Variants in VPS13D observed in about 807,000 individuals in gnomAD.
VPS13D encodes vacuolar protein sorting 13 homolog D, also known as intermembrane lipid transfer protein VPS13D.
VPS13D carries 187 observed loss-of-function variants against 461.9 expected under a neutral mutation model. The observed-to-expected ratio is 0.40, with a 90% CI of 0.36 to 0.46. The LOEUF is 0.46. Ranked by LOEUF, VPS13D falls within the 20% of genes least tolerant of loss-of-function variation. The pLI is 0.60. For missense variants in VPS13D, 4,711 were observed against 5,364.9 expected (o/e 0.88, Z 3.81); for synonymous variants, 1,951 against 1,986.3 (o/e 0.98, Z 0.47).
intron 10 of VPS13D, among the ~76,000 whole-genome samples, chr1:12,259,591 A>G (rs1641038677): frequency 6.6e-6 from 1 of 152,190 alleles, no homozygotes. Context: ...GACCTGAGCC[A>G]CTGCGCCCAG....
intron 67 of VPS13D, among the ~76,000 whole-genome samples, chr1:12,460,911 C>G (rs935303822): frequency 6.6e-6 from 1 of 152,072 alleles, no homozygotes; most frequent in Non-Finnish European, 1.5e-5. Flanking sequence ...AAAGTATCAG[C>G]CCCAACCCCA....
At chr1:12,288,128 C>A (rs562220221) in intron 21 of VPS13D, 95 bp from the exon 22 acceptor site, 4 of 1,074,516 alleles carry the variant, frequency 3.7e-6, no homozygotes, top group Admixed American at 1.9e-5. Context: ...GTTTCCCAAG[C>A]CTTTTTGCAT....
rs1392867524 is a variant in VPS13D at position 12,276,186 on chromosome 1, A to G, written c.2598A>G (p.Ser866=). 1 of 1,614,186 alleles carries G rather than the reference A, an allele frequency of 6.2e-7. No individual in the cohort carries two copies. Among genetic ancestry groups the G allele is most frequent in the Non-Finnish European group, 8.5e-7 (1 of 1,180,038 alleles). ...LQLERRLIYT[S]DPKYPGAVLS... The stretch of plus-strand genomic sequence containing the variant: ...TAGAGCGTCGATTGATTTATACTTC[A>G]GATCCCAAATATCCAGGAGCCGTGC... The change falls in exon 19 of 70, where the codon TCA becomes TCG. Residue 866 remains serine (S), a synonymous_variant. Coordinates refer to ENST00000620676, the MANE Select transcript of VPS13D (RefSeq NM_015378.4). The surrounding 1 kb of genome is among the most constrained non-coding windows in gnomAD (Gnocchi z 4.5).
intron 5 of VPS13D, among the ~76,000 whole-genome samples, chr1:12,247,886 A>ATTTTTTTTTTTTTTTTTTTTTGTT (rs573458027): frequency 8.4e-6 from 1 of 118,844 alleles, no homozygotes. Context: ...GTATTTTTGT[A>ATTTTTTTTTTTTTTTTTTTTTGTT]TTTTTTTTTT....
chr1:12,437,546 G>A (rs1645077313), intron 65 of VPS13D, among the ~76,000 whole-genome samples: 1 of 152,090 alleles, frequency 6.6e-6, no homozygotes, highest in Admixed American at 6.5e-5. Context: ...AGCTAAATTT[G>A]AGAGGGAAGA....
intron 67 of VPS13D, chr1:12,497,213 G>C (rs1645971171): frequency 4.5e-6 from 1 of 223,576 alleles, no homozygotes; most frequent in Non-Finnish European, 8.9e-6. Context: ...TCTAAGGTAG[G>C]TGTCATCGTC....
chr1:12,444,016 G>C (rs886540832), intron 65 of VPS13D, among the ~76,000 whole-genome samples: 1 of 151,738 alleles, frequency 6.6e-6, no homozygotes, highest in Non-Finnish European at 1.5e-5. Context: ...CGGCTAACTT[G>C]TATATTTTTT....
At chr1:12,269,545 G>T (rs1437148546) in intron 16 of VPS13D, among the ~76,000 whole-genome samples, 1 of 152,186 alleles carries the variant, frequency 6.6e-6, no homozygotes, top group Non-Finnish European at 1.5e-5. Flanking sequence ...GAATGTTCAA[G>T]AATTTCCTTC....
At chr1:12,369,388 A>C (rs957246236) in intron 53 of VPS13D, 79 bp from the exon 54 acceptor site, 1 of 1,301,814 alleles carries the variant, frequency 7.7e-7, no homozygotes, top group African/African-American at 1.5e-5. Context: ...TGGAACTTAA[A>C]CCTACAAAGC....
At chr1:12,336,924 A>G (rs1643463592) in intron 39 of VPS13D, 1 of 152,252 alleles carries the variant, frequency 6.6e-6, no homozygotes, top group Non-Finnish European at 1.5e-5. Flanking sequence ...TGTGTTTCTA[A>G]AACATTATTC....
intron 69 of VPS13D, among the ~76,000 whole-genome samples, chr1:12,508,354 G>A (rs76386504): frequency 4.6e-5 from 7 of 152,076 alleles, no homozygotes; most frequent in African/African-American, 1.4e-4. Flanking sequence ...TTATGGCCGT[G>A]GGGGGGAGTT....
intron 65 of VPS13D, among the ~76,000 whole-genome samples, chr1:12,450,623 G>A (rs1344970263): frequency 2.0e-5 from 3 of 152,216 alleles, no homozygotes; most frequent in African/African-American, 7.2e-5. Flanking sequence ...TTAGCCACGT[G>A]ATCATGAAGA....
At chr1:12,267,820 G>T in intron 14 of VPS13D, 25 bp from the exon 15 acceptor site, 4 of 1,610,998 alleles carry the variant, frequency 2.5e-6, no homozygotes, top group South Asian at 1.1e-5. Context: ...TGACGTTTAC[G>T]CATTTTTGTG....
chr1:12,336,070 C>T (rs564125656), intron 39 of VPS13D: 303 of 447,590 alleles, frequency 6.8e-4, no homozygotes, highest in African/African-American at 5.2e-3. Flanking sequence ...CACGTAATTC[C>T]TAAATCCTGG....
At chr1:12,450,481 G>C (rs1222320421) in intron 65 of VPS13D, among the ~76,000 whole-genome samples, 1 of 152,120 alleles carries the variant, frequency 6.6e-6, no homozygotes, top group Non-Finnish European at 1.5e-5. Context: ...TTTTTGACTT[G>C]ACGATGACGT....
chr1:12,322,788 C>A, intron 34 of VPS13D, 42 bp downstream of exon 34: 3 of 1,571,328 alleles, frequency 1.9e-6, no homozygotes, highest in Non-Finnish European at 2.6e-6. Context: ...TTGCTAATAA[C>A]GCTTCTTCTT....
In VPS13D at chr1:12,358,561, C is replaced by T. The variant is rs1643907787; in HGVS notation, c.10101C>T (p.Val3367=). The T allele has an allele frequency of 1.9e-6, 3 of 1,614,072 alleles. No individual in the cohort carries two copies. The highest frequency in any genetic ancestry group is 1.1e-5 in the South Asian group (1 of 91,086). The change falls in exon 50 of 70, where the codon GTC becomes GTT. Residue 3367 remains valine, a synonymous_variant. Coordinates refer to ENST00000620676, the MANE Select transcript of VPS13D (RefSeq NM_015378.4). ...GTAGTGGTGTCCGAGCTTTGAAAGT[C>T]ATCCAGCAAGGAAACCGCCCAGGGC... ...DGGSGVRALK[V]IQQGNRPGLI... is the part of the protein sequence containing the mutation.
intron 18 of VPS13D, among the ~76,000 whole-genome samples, chr1:12,274,611 C>T (rs1301764194): frequency 1.3e-5 from 2 of 152,200 alleles, no homozygotes; most frequent in Non-Finnish European, 2.9e-5. Context: ...GATGCCCAGC[C>T]CCAGTGGTGT....
At chr1:12,377,291 C>T (rs1158050932) in intron 55 of VPS13D, among the ~76,000 whole-genome samples, 3 of 150,934 alleles carry the variant, frequency 2.0e-5, no homozygotes, top group Admixed American at 1.3e-4. Context: ...AACTCCTGAC[C>T]TCAGGTGATA....
Sources: gnomAD v4.1 joint callset for allele counts (sites outside exome capture counted in the v4.1 genomes callset) on GRCh38, gnomAD v4.1.1 for gene constraint, Gnocchi (gnomAD v3.1) non-coding constraint, MANE v1.5 for transcripts, NCBI Gene and HGNC (gene_info 2026-07-23, HGNC 2026-07-21) for gene names.